Variants in CEP55 observed in about 807,000 individuals in gnomAD.
The protein encoded by CEP55 is centrosomal protein of 55 kDa.
CEP55 carries 57 observed loss-of-function variants against 63.2 expected under a neutral mutation model. The ratio of observed to expected loss-of-function variants is 0.90; its 90% CI spans 0.73 to 1.13. The LOEUF (loss-of-function observed/expected upper bound fraction) is 1.13, where lower values mean the gene tolerates loss of function less well. Among genes scored for constraint, CEP55 ranks in the 50% most tolerant of loss-of-function variants. The probability of loss-of-function intolerance (pLI) is 0.00; values close to 1 mark genes in which losing one functional copy is unlikely to be tolerated. For synonymous variants in CEP55, 178 were observed against 191.6 expected (o/e 0.93, Z 0.59); for missense variants, 456 against 518.9 (o/e 0.88, Z 1.18).
At chr10:93,512,989 A>G (rs567375097) in intron 4 of CEP55, among the ~76,000 whole-genome samples, 2 of 152,358 alleles carry the variant, frequency 1.3e-5, no homozygotes, top group East Asian at 1.9e-4. Flanking sequence ...GAACAATCAT[A>G]TATCTACCAC....
At chr10:93,500,408 C>G (rs970061463) in intron 2 of CEP55, among the ~76,000 whole-genome samples, 174 bp downstream of exon 2, 2 of 152,152 alleles carry the variant, frequency 1.3e-5, no homozygotes, top group Non-Finnish European at 2.9e-5. Context: ...TTTGCCAAGT[C>G]TTAGATGTAC....
At chr10:93,504,954 G>A (rs1193271201) in intron 3 of CEP55, among the ~76,000 whole-genome samples, 1 of 152,076 alleles carries the variant, frequency 6.6e-6, no homozygotes, top group Non-Finnish European at 1.5e-5. Flanking sequence ...TGGGATTACA[G>A]GCACCTGCCA....
intron 5 of CEP55, 85 bp downstream of exon 5, chr10:93,515,640 A>G: frequency 7.4e-7 from 1 of 1,355,818 alleles, no homozygotes; most frequent in Non-Finnish European, 1.0e-6. Flanking sequence ...ATTTTTATAG[A>G]TATGTGTTAG....
intron 3 of CEP55, among the ~76,000 whole-genome samples, chr10:93,503,686 A>T (rs1401803651): frequency 1.3e-5 from 2 of 152,118 alleles, no homozygotes; most frequent in Non-Finnish European, 2.9e-5. Flanking sequence ...TTATTTCTAT[A>T]GTTTGTATCA....
intron 4 of CEP55, among the ~76,000 whole-genome samples, chr10:93,509,540 C>T (rs1438519197): frequency 2.6e-5 from 4 of 151,914 alleles, no homozygotes; most frequent in Non-Finnish European, 5.9e-5. Context: ...GGTTGGAGTG[C>T]AGTGGCGCGA....
chr10:93,519,595 T>C, intron 7 of CEP55, 87 bp from the exon 8 acceptor site: 1 of 1,399,454 alleles, frequency 7.1e-7, no homozygotes. Flanking sequence ...ATTTTCTTCA[T>C]GTGCTAATAA....
chr10:93,501,820 G>C (rs528114913), intron 2 of CEP55, among the ~76,000 whole-genome samples: 1 of 152,252 alleles, frequency 6.6e-6, no homozygotes, highest in East Asian at 1.9e-4. Context: ...TTAGAGAACA[G>C]TCATCACCAG....
rs1197495590 is a variant in CEP55 at position 93,516,927 on chromosome 10, T to C, written c.680-8T>C. ...AAGTGAGTTGTGCCGTAATGTTGTT[T>C]GTCATAGGTTATCTTCAAGAAGAGA... On this transcript the variant is annotated splice_polypyrimidine_tract_variant and splice_region_variant and intron_variant, in intron 5 of 8. Coordinates refer to ENST00000371485, the MANE Select transcript of CEP55 (RefSeq NM_018131.5). 10 of 1,547,912 alleles carry C rather than the reference T, an allele frequency of 6.5e-6. No homozygotes were observed. The highest frequency in any genetic ancestry group is 8.7e-6 in the Non-Finnish European group (10 of 1,145,350).
rs547824055 is a variant in CEP55, at chr10:93,528,624, A to G, written c.*471A>G. ...TTGTTAAGAGGTGGTGATAGATACT[A>G]TTTTTTTTTTCATATTGTATAGCGG... On this transcript the variant is annotated 3_prime_UTR_variant, in exon 9 of 9. Coordinates refer to ENST00000371485, the MANE Select transcript of CEP55 (RefSeq NM_018131.5). 6.4e-6 allele frequency: 1 copy of G among 155,558 alleles called. No homozygotes were observed. Among genetic ancestry groups the G allele is most frequent in the South Asian group, 1.9e-4 (1 of 5,222 alleles). The allele number at this position is 155,558 out of a possible 1,614,324, so 9.6% of individuals were successfully genotyped here.
intron 8 of CEP55, among the ~76,000 whole-genome samples, chr10:93,524,138 A>G (rs1163222844): frequency 1.3e-5 from 2 of 152,202 alleles, no homozygotes; most frequent in Non-Finnish European, 2.9e-5. Flanking sequence ...TCAAAAAATC[A>G]ATGAATCCAG....
At chr10:93,498,407 A>G (rs1201107237) in intron 1 of CEP55, among the ~76,000 whole-genome samples, 1 of 152,240 alleles carries the variant, frequency 6.6e-6, no homozygotes, top group African/African-American at 2.4e-5. Flanking sequence ...ATATCAAGTC[A>G]ACAGTGTGTT....
At chr10:93,513,650 C>T (rs2134477366) in intron 4 of CEP55, among the ~76,000 whole-genome samples, 1 of 152,264 alleles carries the variant, frequency 6.6e-6, no homozygotes, top group East Asian at 1.9e-4. Flanking sequence ...GTGTTGTTCT[C>T]CAAATAGTAA....
At chr10:93,523,320 C>A (rs1053740263) in intron 8 of CEP55, among the ~76,000 whole-genome samples, 1 of 152,094 alleles carries the variant, frequency 6.6e-6, no homozygotes, top group African/African-American at 2.4e-5. Context: ...TTTAAACCAA[C>A]AAAGATCAAA....
chr10:93,524,722 A>G (rs1345649275), intron 8 of CEP55, among the ~76,000 whole-genome samples: 2 of 152,220 alleles, frequency 1.3e-5, no homozygotes, highest in African/African-American at 4.8e-5. Flanking sequence ...CCAGCAACAC[A>G]TCAAAAAGCT....
At chr10:93,524,690 A>G (rs1248899491) in intron 8 of CEP55, among the ~76,000 whole-genome samples, 2 of 152,354 alleles carry the variant, frequency 1.3e-5, no homozygotes, top group African/African-American at 4.8e-5. Flanking sequence ...AAAATCCTCA[A>G]TAAAATACTG....
chr10:93,519,555 G>A, intron 7 of CEP55, 127 bp from the exon 8 acceptor site: 2 of 1,111,170 alleles, frequency 1.8e-6, no homozygotes, highest in Non-Finnish European at 2.6e-6. Context: ...TGGTGCTTAG[G>A]TGAATTCTTG....
intron 3 of CEP55, among the ~76,000 whole-genome samples, chr10:93,504,787 G>A (rs2057671186): frequency 6.6e-6 from 1 of 151,938 alleles, no homozygotes; most frequent in Admixed American, 6.6e-5. Context: ...ATACAAACTT[G>A]GTAGAAATTA....
chr10:93,497,361 G>A (rs112846083), intron 1 of CEP55, among the ~76,000 whole-genome samples: 5,658 of 152,234 alleles, frequency 0.037, 328 homozygotes, highest in African/African-American at 0.12. Flanking sequence ...TGCCTCCTGG[G>A]TTCAAGCGAT....
Position 93,517,919 on chromosome 10 carries a change from G to C in CEP55, c.993+671G>C, listed in dbSNP as rs186304547. ...CTTAGGCAAATCACCTAACTTCTCT[G>C]ACTACTCACTGGTTATTCCCTTGTC... On this transcript the variant is annotated intron_variant, in intron 6 of 8. Transcript: ENST00000371485. Among the ~76,000 whole-genome samples the C allele has an allele frequency of 2.0e-5, 3 of 152,322 alleles. No individual in the cohort carries two copies. In the East Asian group the frequency reaches 5.8e-4, roughly 29 times the overall value.
Sources: gnomAD v4.1 joint callset for allele counts (sites outside exome capture counted in the v4.1 genomes callset) on GRCh38, gnomAD v4.1.1 for gene constraint, MANE v1.5 for transcripts, NCBI Gene and HGNC (gene_info 2026-07-23, HGNC 2026-07-21) for gene names.